The following TMEM123 variants were observed in gnomAD, a reference collection of about 807,000 sequenced individuals.
The protein encoded by TMEM123 is porimin.
In TMEM123, 16 loss-of-function variants were observed where a neutral mutation model predicts 19.7. The observed-to-expected ratio is 0.81, with a 90% CI of 0.55 to 1.23. The LOEUF (loss-of-function observed/expected upper bound fraction) is 1.23, where lower values mean the gene tolerates loss of function less well. TMEM123 is among the 50% of genes most tolerant of loss of function. The pLI is 0.00. For synonymous variants in TMEM123, 118 were observed against 99.4 expected, an observed-to-expected ratio of 1.19 and a Z score of -1.12; for missense variants, 313 against 257.8, an observed-to-expected ratio of 1.21 and a Z score of -1.47.
chr11:102,400,929 T>C (rs1951907406), intron 4 of TMEM123, among the ~76,000 whole-genome samples: 3 of 152,212 alleles, frequency 2.0e-5, no homozygotes, highest in African/African-American at 7.2e-5. Context: ...AAAGGACTAT[T>C]GGAGCAACAA....
At chr11:102,413,829 A>G (rs1422739395) in intron 2 of TMEM123, among the ~76,000 whole-genome samples, 1 of 152,204 alleles carries the variant, frequency 6.6e-6, no homozygotes, top group Non-Finnish European at 1.5e-5. Flanking sequence ...CCAAAGAACC[A>G]TACTGCCTCT....
chr11:102,445,021 G>T (rs1183737684), intron 2 of TMEM123, among the ~76,000 whole-genome samples: 2 of 152,006 alleles, frequency 1.3e-5, no homozygotes, highest in African/African-American at 2.4e-5. Flanking sequence ...GCCTGTCGTG[G>T]GGTGGGGGGA....
At chr11:102,415,855 A>G (rs1952040353) in intron 2 of TMEM123, among the ~76,000 whole-genome samples, 1 of 152,158 alleles carries the variant, frequency 6.6e-6, no homozygotes, top group Non-Finnish European at 1.5e-5. Flanking sequence ...TTGAGATGTG[A>G]AAAAACATAC....
intron 2 of TMEM123, among the ~76,000 whole-genome samples, chr11:102,419,295 G>C (rs1952065021): frequency 6.6e-6 from 1 of 152,072 alleles, no homozygotes; most frequent in Non-Finnish European, 1.5e-5. Context: ...CCTTATTCAT[G>C]TTTCCTCATA....
chr11:102,452,041 C>G (rs903924824), intron 1 of TMEM123, among the ~76,000 whole-genome samples: 2 of 152,248 alleles, frequency 1.3e-5, no homozygotes, highest in African/African-American at 4.8e-5. Flanking sequence ...TGTAATTCAT[C>G]TGGATAATAC....
chr11:102,439,025 C>G (rs930513934), intron 2 of TMEM123, among the ~76,000 whole-genome samples: 2 of 152,244 alleles, frequency 1.3e-5, no homozygotes, highest in African/African-American at 4.8e-5. Context: ...TGCAAGGCCG[C>G]AGCGAGGCTG....
chr11:102,436,654 T>C (rs985535166), intron 2 of TMEM123, among the ~76,000 whole-genome samples: 3 of 148,312 alleles, frequency 2.0e-5, no homozygotes, highest in African/African-American at 7.3e-5. Context: ...TCAAAGTTTC[T>C]TCCTAAGAAC....
chr11:102,408,506 A>G (rs1951975095), intron 2 of TMEM123, among the ~76,000 whole-genome samples: 1 of 152,300 alleles, frequency 6.6e-6, no homozygotes, highest in African/African-American at 2.4e-5. Flanking sequence ...AAGTTACTTA[A>G]TCTCTCTGAG....
intron 2 of TMEM123, among the ~76,000 whole-genome samples, chr11:102,420,697 T>G (rs1401946278): frequency 2.6e-5 from 4 of 152,094 alleles, no homozygotes; most frequent in Non-Finnish European, 4.4e-5. Context: ...TCAAGAAGCT[T>G]TGGTTAGGAC....
chr11:102,418,976 TAAG>T (rs1745299160), intron 2 of TMEM123, among the ~76,000 whole-genome samples: 1 of 151,992 alleles, frequency 6.6e-6, no homozygotes, highest in African/African-American at 2.4e-5. Context: ...CAATGGACAC[TAAG>T]AAGGGAAGAA....
At chr11:102,411,140 G>C (rs1490864258) in intron 2 of TMEM123, among the ~76,000 whole-genome samples, 2 of 152,078 alleles carry the variant, frequency 1.3e-5, no homozygotes, top group Non-Finnish European at 2.9e-5. Context: ...GATAGCCTCA[G>C]GATGGGCTCC....
chr11:102,438,250 ACCATGTTGG>A (rs1857786447), intron 2 of TMEM123, among the ~76,000 whole-genome samples: 1 of 151,950 alleles, frequency 6.6e-6, no homozygotes, highest in Non-Finnish European at 1.5e-5. Context: ...AGGGGGTTTC[ACCATGTTGG>A]CCAGGTGGTC....
At chr11:102,442,286 A>C (rs1366335388) in intron 2 of TMEM123, among the ~76,000 whole-genome samples, 3 of 152,256 alleles carry the variant, frequency 2.0e-5, no homozygotes, top group East Asian at 3.8e-4. Flanking sequence ...ATATCGATGC[A>C]AAAATCCTCA....
intron 2 of TMEM123, among the ~76,000 whole-genome samples, chr11:102,418,095 A>G (rs1317557152): frequency 6.6e-6 from 1 of 152,148 alleles, no homozygotes. Context: ...ACCCTAGAAG[A>G]AAACCTAGGA....
At position 102,452,281 on chromosome 11, in the gene TMEM123, C is replaced by T. The variant is rs552735866; in HGVS notation, c.100+243G>A. ...ATGCGCACCCGTCCCGGCCTGCGAC[C>T]GCCGCATCCAAAAAGCGAGAGGGGA... On this transcript the variant is annotated intron_variant, in intron 1 of 4. Transcript: ENST00000398136. 3.6e-5 allele frequency: 14 copies of T among 386,002 alleles called. No homozygotes were observed. The Middle Eastern group carries it at 3.2e-3, about 90-fold the overall frequency. The allele number at this position is 386,002 out of a possible 1,614,324, so 23.9% of individuals were successfully genotyped here.
At chr11:102,434,031 T>G (rs1463443427) in intron 2 of TMEM123, among the ~76,000 whole-genome samples, 1 of 151,966 alleles carries the variant, frequency 6.6e-6, no homozygotes, top group African/African-American at 2.4e-5. Flanking sequence ...TTGGCTATTG[T>G]GAATAGTGCT....
chr11:102,441,495 T>C (rs955858398), intron 2 of TMEM123, among the ~76,000 whole-genome samples: 1 of 151,926 alleles, frequency 6.6e-6, no homozygotes, highest in African/African-American at 2.4e-5. Flanking sequence ...TTAAACCCAA[T>C]GAGGACAAAG....
chr11:102,419,073 C>A (rs1167854400), intron 2 of TMEM123, among the ~76,000 whole-genome samples: 1 of 152,116 alleles, frequency 6.6e-6, no homozygotes, highest in East Asian at 1.9e-4. Flanking sequence ...ACGCTCATTA[C>A]CTGCGTGATG....
intron 2 of TMEM123, among the ~76,000 whole-genome samples, chr11:102,408,519 T>C: frequency 6.6e-6 from 1 of 152,248 alleles, no homozygotes; most frequent in East Asian, 1.9e-4. Flanking sequence ...TCTCTGAGAT[T>C]CACTACCCTT....
Sources: gnomAD v4.1 joint callset for allele counts (sites outside exome capture counted in the v4.1 genomes callset) on GRCh38, gnomAD v4.1.1 for gene constraint, MANE v1.5 for transcripts, NCBI Gene and HGNC (gene_info 2026-07-23, HGNC 2026-07-21) for gene names.